MME: variants seen among roughly 807,000 people sequenced by gnomAD.
MME encodes the protein neprilysin.
Under a neutral mutation model 113.2 loss-of-function variants are expected in MME, and 98 were observed. The observed-to-expected ratio is 0.87, with a 90% CI of 0.74 to 1.02. MME has a LOEUF of 1.02. Ranked by LOEUF, MME falls within the 50% of genes least tolerant of loss-of-function variation. The pLI, the probability that MME is intolerant of heterozygous loss-of-function variation, is 0.00. For missense variants in MME, 836 were observed against 896.0 expected, an observed-to-expected ratio of 0.93 and a Z score of 0.86; for synonymous variants, 292 against 300.6, an observed-to-expected ratio of 0.97 and a Z score of 0.30.
At chr3:155,064,504 A>T (rs905844817) in intron 1 of MME, among the ~76,000 whole-genome samples, 1 of 152,202 alleles carries the variant, frequency 6.6e-6, no homozygotes, top group South Asian at 2.1e-4. Flanking sequence ...GAAATGTGTG[A>T]AATAATGAGG....
chr3:155,145,857 G>A (rs1349160359), intron 14 of MME, among the ~76,000 whole-genome samples: 1 of 152,110 alleles, frequency 6.6e-6, no homozygotes, highest in Non-Finnish European at 1.5e-5. Context: ...TTAAGTGGGG[G>A]CTGGATTGTC....
intron 1 of MME, among the ~76,000 whole-genome samples, chr3:155,071,520 G>A (rs1002349750): frequency 1.3e-5 from 2 of 152,096 alleles, no homozygotes; most frequent in African/African-American, 4.8e-5. Flanking sequence ...TTTCTGAGTC[G>A]TATTTCTCCC....
In MME at chr3:155,073,478, A is replaced by C. The variant is rs184111356; in HGVS notation, c.-10-10680A>C. Among the ~76,000 whole-genome samples, 9 of 152,312 alleles carry C rather than the reference A, an allele frequency of 5.9e-5. No individual in the cohort carries two copies. The East Asian group carries it at 1.5e-3, about 26-fold the overall frequency. ...TCTACTAAGCCTTGTGCACCACATTAATTTGCTGTAAATAGAATGTTTTAA... is the reference window on the plus strand; with the variant it reads ...TCTACTAAGCCTTGTGCACCACATTCATTTGCTGTAAATAGAATGTTTTAA... On this transcript the variant is annotated intron_variant, in intron 1 of 22. Coordinates refer to the MME transcript ENST00000492661.
At chr3:155,153,125 C>G (rs1271003887) in intron 16 of MME, among the ~76,000 whole-genome samples, 1 of 151,586 alleles carries the variant, frequency 6.6e-6, no homozygotes, top group African/African-American at 2.4e-5. Flanking sequence ...CTCCCAGGTT[C>G]AAGCGATTCT....
intron 1 of MME, among the ~76,000 whole-genome samples, chr3:155,082,691 G>A (rs1715260338): frequency 6.6e-6 from 1 of 152,076 alleles, no homozygotes; most frequent in South Asian, 2.1e-4. Context: ...CTTGCTTATA[G>A]CCTCATGTAA....
intron 8 of MME, among the ~76,000 whole-genome samples, chr3:155,136,855 A>G (rs1235307658): frequency 6.6e-6 from 1 of 152,132 alleles, no homozygotes; most frequent in Admixed American, 6.6e-5. Context: ...CTTTGTATTT[A>G]CCCTGCAAAC....
intron 8 of MME, among the ~76,000 whole-genome samples, chr3:155,119,422 TTTTTTTTA>T (rs1718909194): frequency 6.6e-6 from 1 of 151,648 alleles, no homozygotes; most frequent in Admixed American, 6.6e-5. Context: ...TTTTTTTTTT[TTTTTTTTA>T]TTATACTTTA....
At chr3:155,039,368 A>C (rs1713229357) in intron 1 of MME, among the ~76,000 whole-genome samples, 1 of 152,204 alleles carries the variant, frequency 6.6e-6, no homozygotes, top group Non-Finnish European at 1.5e-5. Flanking sequence ...ATGAATTAGG[A>C]GACTGGAAAT....
chr3:155,115,250 G>C, intron 4 of MME, 95 bp downstream of exon 4: 1 of 1,479,720 alleles, frequency 6.8e-7, no homozygotes, highest in Non-Finnish European at 9.3e-7. Context: ...GAATGTCACA[G>C]AAGATTAAAA....
intron 8 of MME, among the ~76,000 whole-genome samples, chr3:155,133,075 A>ATATATATATATATATATATG (rs1720295604): frequency 7.2e-6 from 1 of 138,034 alleles, no homozygotes; most frequent in African/African-American, 2.7e-5. Flanking sequence ...ATATATATAT[A>ATATATATATATATATATATG]TATATGTATA....
intron 1 of MME, among the ~76,000 whole-genome samples, chr3:155,045,652 C>T (rs1045564736): frequency 6.6e-6 from 1 of 151,562 alleles, no homozygotes; most frequent in Admixed American, 6.6e-5. Flanking sequence ...TTCTTGATCA[C>T]TACCTGAGAG....
chr3:155,132,070 G>T lies in MME; in HGVS notation c.721-6032G>T, dbSNP rs575994786. ...CTAGAATGGGGAAGGCAGAACATTG[G>T]TAAGAGCTAGGTGTCTCAGAATCTT... is the stretch of plus-strand genomic sequence containing the variant. On this transcript the variant is annotated intron_variant, in intron 8 of 22. Transcript: ENST00000360490. Among the ~76,000 whole-genome samples the T allele has an allele frequency of 1.7e-3, 261 of 152,258 alleles. 10 individuals carry two copies. In the South Asian group the frequency reaches 0.053, roughly 31 times the overall value.
rs983135209 is a variant in MME at position 155,097,428 on chromosome 3, C to T, written c.196+12334C>T. On this transcript the variant is annotated intron_variant, in intron 3 of 22. Coordinates refer to ENST00000360490, the MANE Select transcript of MME (RefSeq NM_007289.4). ...AAAATCACCAAAGCAAATGGAGGAG[C>T]AGCTGTCCAAAATTAGAGAGTGATC... is the stretch of plus-strand genomic sequence containing the variant. 2.0e-5 allele frequency among the ~76,000 whole-genome samples: 3 copies of T among 152,086 alleles called. No individual in the cohort carries two copies. In the South Asian group the frequency reaches 6.2e-4, roughly 32 times the overall value.
intron 3 of MME, among the ~76,000 whole-genome samples, chr3:155,097,997 C>T (rs1226430129): frequency 1.3e-5 from 2 of 152,010 alleles, no homozygotes; most frequent in Non-Finnish European, 2.9e-5. Context: ...ATACTTAGCA[C>T]CTAAACGCAG....
intron 16 of MME, chr3:155,158,478 A>AACATT (rs2108346964): frequency 6.6e-6 from 1 of 152,224 alleles, no homozygotes; most frequent in South Asian, 2.1e-4. Context: ...TCCCCCTAGG[A>AACATT]GTAGTAAGAG....
chr3:155,096,210 A>T (rs1716726721), intron 3 of MME, among the ~76,000 whole-genome samples: 1 of 152,198 alleles, frequency 6.6e-6, no homozygotes, highest in African/African-American at 2.4e-5. Context: ...AAAATGAATA[A>T]AATTAAAATG....
intron 16 of MME, among the ~76,000 whole-genome samples, chr3:155,157,803 G>A (rs943658897): frequency 6.6e-6 from 1 of 152,148 alleles, no homozygotes; most frequent in African/African-American, 2.4e-5. Flanking sequence ...CACTAGTGCT[G>A]TGTAAACCCA....
At chr3:155,103,766 C>A (rs769944595) in intron 3 of MME, among the ~76,000 whole-genome samples, 6 of 152,160 alleles carry the variant, frequency 3.9e-5, no homozygotes, top group Non-Finnish European at 8.8e-5. Flanking sequence ...TTCTCTTGAA[C>A]ACCATTATTT....
At position 155,027,176 on chromosome 3, in the gene MME, C is replaced by T. The variant is rs539125198; in HGVS notation, c.-11+2852C>T. On this transcript the variant is annotated intron_variant, in intron 1 of 22. Transcript: ENST00000492661. ...TAAATTTTTCTCAAATCCATCTCTTCCTTGGACTCATTTCAGAACTGCCCT... is the reference window on the plus strand; with the variant it reads ...TAAATTTTTCTCAAATCCATCTCTTTCTTGGACTCATTTCAGAACTGCCCT... Among the ~76,000 whole-genome samples, 13 of 152,280 alleles carry T rather than the reference C, an allele frequency of 8.5e-5. 1 individual carries two copies. The highest frequency in any genetic ancestry group is 3.1e-4 in the African/African-American group (13 of 41,562).
Sources: allele counts gnomAD v4.1 joint callset (sites outside exome capture counted in the v4.1 genomes callset), GRCh38; gene constraint gnomAD v4.1.1; transcripts MANE v1.5; gene names NCBI Gene and HGNC (gene_info 2026-07-23, HGNC 2026-07-21).